Variants in PCCA observed in about 807,000 individuals in gnomAD.
PCCA encodes the protein propionyl-CoA carboxylase subunit alpha.
In PCCA, 74 loss-of-function variants were observed where a neutral mutation model predicts 101.3. That is an observed-to-expected ratio of 0.73 (90% CI 0.61 to 0.89). The LOEUF (loss-of-function observed/expected upper bound fraction) is 0.89, where lower values mean the gene tolerates loss of function less well. PCCA is among the 40% of genes least tolerant of loss of function. The pLI, the probability that PCCA is intolerant of heterozygous loss-of-function variation, is 0.00. For missense variants in PCCA, 891 were observed against 907.0 expected (o/e 0.98, Z 0.23); for synonymous variants, 294 against 313.6 (o/e 0.94, Z 0.66).
chr13:100,277,638 G>A (rs1426238228), intron 12 of PCCA, among the ~76,000 whole-genome samples: 1 of 152,128 alleles, frequency 6.6e-6, no homozygotes, highest in African/African-American at 2.4e-5. Context: ...GTGCCTCACT[G>A]CTATCTCACT....
intron 19 of PCCA, among the ~76,000 whole-genome samples, chr13:100,393,777 A>G (rs937826316): frequency 6.6e-6 from 1 of 152,194 alleles, no homozygotes; most frequent in African/African-American, 2.4e-5. Context: ...AAAAAAGTTA[A>G]TGGTGCAACT....
At chr13:100,192,664 G>A (rs531362125) in intron 6 of PCCA, among the ~76,000 whole-genome samples, 2 of 152,270 alleles carry the variant, frequency 1.3e-5, no homozygotes, top group South Asian at 2.1e-4. Context: ...CTGAGATCAC[G>A]CCACTGCACT....
intron 21 of PCCA, among the ~76,000 whole-genome samples, chr13:100,493,188 G>C (rs532465018): frequency 6.6e-6 from 1 of 152,190 alleles, no homozygotes; most frequent in Non-Finnish European, 1.5e-5. Context: ...GCCCATCTGC[G>C]TGCTCTCCCT....
chr13:100,190,945 A>C (rs1054288904), intron 6 of PCCA, among the ~76,000 whole-genome samples: 3 of 151,896 alleles, frequency 2.0e-5, no homozygotes, highest in Admixed American at 6.6e-5. Flanking sequence ...AAATACAAAA[A>C]AATTAGCCAG....
intron 21 of PCCA, among the ~76,000 whole-genome samples, chr13:100,450,565 T>C (rs1468763855): frequency 6.6e-6 from 1 of 152,200 alleles, no homozygotes; most frequent in Non-Finnish European, 1.5e-5. Flanking sequence ...GCATTTCAGA[T>C]AACTCTGGAG....
At chr13:100,355,167 C>T (rs77132296) in intron 18 of PCCA, among the ~76,000 whole-genome samples, 3,032 of 151,924 alleles carry the variant, frequency 0.02, 107 homozygotes, top group African/African-American at 0.062. Context: ...AAAAGTCAAT[C>T]GATGTGATAC....
chr13:100,214,252 A>T (rs1416857365), intron 7 of PCCA, among the ~76,000 whole-genome samples: 1 of 151,546 alleles, frequency 6.6e-6, no homozygotes, highest in Non-Finnish European at 1.5e-5. Context: ...TTCTGTGAAG[A>T]TTGTCATTGG....
rs1408897769 is a variant in PCCA at position 100,348,815 on chromosome 13, CCTTT to C, written c.1643+8565_1643+8568del. On this transcript the variant is annotated intron_variant, in intron 18 of 23. Coordinates refer to ENST00000376285, the MANE Select transcript of PCCA (RefSeq NM_000282.4). ...TCCTTCCTTCCTTCCTTCCTTCCTT[CCTTT>C]CTTTCTTTTCTCTCTCTTTTTCTCT... Among the ~76,000 whole-genome samples, 1,169 of 122,866 alleles carry C rather than the reference CCTTT, an allele frequency of 9.5e-3. 41 individuals are homozygous for C. Among genetic ancestry groups the C allele is most frequent in the African/African-American group, 0.034 (953 of 28,108 alleles). 80.6% of individuals were successfully genotyped at this position (122,866 alleles called of 152,430 possible).
chr13:100,201,779 C>G (rs568252132), intron 6 of PCCA, among the ~76,000 whole-genome samples: 2 of 145,124 alleles, frequency 1.4e-5, no homozygotes, highest in South Asian at 4.4e-4. Context: ...ATCGCTTGAA[C>G]CCGGGAGCTG....
At chr13:100,179,778 A>G (rs902895914) in intron 6 of PCCA, among the ~76,000 whole-genome samples, 1 of 151,936 alleles carries the variant, frequency 6.6e-6, no homozygotes, top group Admixed American at 6.6e-5. Context: ...TGTGGTGGTC[A>G]TGAATGGTGG....
At chr13:100,331,308 C>T (rs2069533817) in intron 17 of PCCA, among the ~76,000 whole-genome samples, 1 of 152,122 alleles carries the variant, frequency 6.6e-6, no homozygotes, top group Admixed American at 6.5e-5. Flanking sequence ...AAGATTTAGA[C>T]TGAGACTTAA....
intron 6 of PCCA, among the ~76,000 whole-genome samples, chr13:100,173,641 G>T (rs2152419166): frequency 6.6e-6 from 1 of 152,222 alleles, no homozygotes; most frequent in Admixed American, 6.5e-5. Context: ...GGTGTTAATG[G>T]GTGTCTGAAT....
intron 12 of PCCA, among the ~76,000 whole-genome samples, chr13:100,299,993 C>T (rs1430088087): frequency 6.6e-6 from 1 of 152,206 alleles, no homozygotes; most frequent in Non-Finnish European, 1.5e-5. Context: ...GGATTACAGG[C>T]GTGAAGCGCC....
intron 20 of PCCA, among the ~76,000 whole-genome samples, chr13:100,431,788 C>A (rs1486504716): frequency 6.6e-6 from 1 of 152,020 alleles, no homozygotes; most frequent in Non-Finnish European, 1.5e-5. Flanking sequence ...ATGGTGTGAA[C>A]CCAGGAGGCA....
intron 21 of PCCA, among the ~76,000 whole-genome samples, chr13:100,488,281 C>T (rs559371835): frequency 3.3e-5 from 5 of 152,158 alleles, no homozygotes; most frequent in Non-Finnish European, 7.4e-5. Context: ...TTAGTAGAGA[C>T]AGGGTTTCTC....
At position 100,419,417 on chromosome 13, in the gene PCCA, G is replaced by A. The variant is rs1368992703; in HGVS notation, c.1747-6216G>A. 3.3e-5 allele frequency among the ~76,000 whole-genome samples: 5 copies of A among 151,778 alleles called. No individual in the cohort carries two copies. In the East Asian group the frequency reaches 5.8e-4, roughly 18 times the overall value. ...AACCTGGGAGGCGGAGGCTGCAGTG[G>A]GCCAAGATTGTACCACTGTACTCTA... On this transcript the variant is annotated intron_variant, in intron 19 of 23. Transcript: ENST00000376285.
At position 100,449,270 on chromosome 13, in the gene PCCA, G is replaced by GGT; in HGVS notation, c.1866_1867dup (p.Gly623ValfsTer4). The GGT allele has an allele frequency of 6.5e-7, 1 of 1,541,580 alleles. No homozygotes were observed. ...TTTTTAGTGTCTTTCTCGAGAAGCA[G>GGT]GTGGAAACATGAGCATTCAGTTTCT... On this transcript the variant is annotated frameshift_variant, in exon 21 of 24. Transcript: ENST00000376285. LOFTEE classifies it high-confidence loss of function.
chr13:100,436,729 G>A (rs2079963876), intron 20 of PCCA, among the ~76,000 whole-genome samples: 1 of 152,164 alleles, frequency 6.6e-6, no homozygotes, highest in African/African-American at 2.4e-5. Flanking sequence ...CCACTGCCCT[G>A]CTGACTTCTC....
chr13:100,353,768 C>T (rs2073575536), intron 18 of PCCA, among the ~76,000 whole-genome samples: 1 of 151,978 alleles, frequency 6.6e-6, no homozygotes, highest in Non-Finnish European at 1.5e-5. Flanking sequence ...GCCTGGGCAA[C>T]ATGGTGAAAC....
Sources: allele counts gnomAD v4.1 joint callset (sites outside exome capture counted in the v4.1 genomes callset), GRCh38; gene constraint gnomAD v4.1.1; transcripts MANE v1.5; gene names NCBI Gene and HGNC (gene_info 2026-07-23, HGNC 2026-07-21).